The following LRFN5 variants were observed in gnomAD, a reference collection of about 807,000 sequenced individuals.
The protein encoded by LRFN5 is leucine-rich repeat and fibronectin type-III domain-containing protein 5.
A neutral mutation model predicts 45.6 loss-of-function variants in LRFN5; 24 were observed. That is an observed-to-expected ratio of 0.53 (90% CI 0.38 to 0.74). The LOEUF (loss-of-function observed/expected upper bound fraction) is 0.74. Among genes scored for constraint, LRFN5 ranks in the 30% least tolerant of loss-of-function variants. LRFN5 has a pLI of 0.00. For missense variants in LRFN5, 776 were observed against 861.5 expected (o/e 0.90, Z 1.24); for synonymous variants, 340 against 313.8 (o/e 1.08, Z -0.88).
At chr14:41,729,309 C>G (rs1030710986) in intron 1 of LRFN5, among the ~76,000 whole-genome samples, 3 of 152,018 alleles carry the variant, frequency 2.0e-5, no homozygotes, top group Non-Finnish European at 4.4e-5. Flanking sequence ...ATTTCTCTCT[C>G]TTGCTCCCAT....
At chr14:41,799,257 C>T (rs755189634) in intron 2 of LRFN5, among the ~76,000 whole-genome samples, 1 of 151,948 alleles carries the variant, frequency 6.6e-6, no homozygotes, top group Non-Finnish European at 1.5e-5. Context: ...CAAAAGTCTG[C>T]TCTAATTTTT....
At chr14:41,875,480 T>C (rs1037016438) in intron 2 of LRFN5, among the ~76,000 whole-genome samples, 1 of 152,222 alleles carries the variant, frequency 6.6e-6, no homozygotes, top group Admixed American at 6.5e-5. Context: ...CAATATCACA[T>C]AGAGTCTCTG....
At chr14:41,831,884 G>C (rs1412885805) in intron 2 of LRFN5, among the ~76,000 whole-genome samples, 3 of 152,084 alleles carry the variant, frequency 2.0e-5, no homozygotes, top group African/African-American at 7.2e-5. Flanking sequence ...AGATCAAGGT[G>C]CCCACAAGTT....
chr14:41,712,640 A>C (rs1351697410), intron 1 of LRFN5, among the ~76,000 whole-genome samples: 1 of 152,170 alleles, frequency 6.6e-6, no homozygotes, highest in Non-Finnish European at 1.5e-5. Flanking sequence ...ACCAAATCAC[A>C]ACAATTTTTA....
intron 1 of LRFN5, among the ~76,000 whole-genome samples, chr14:41,654,650 A>G (rs1176932544): frequency 6.6e-6 from 1 of 152,104 alleles, no homozygotes; most frequent in Non-Finnish European, 1.5e-5. Flanking sequence ...AAGAGAGAAT[A>G]ATCAATTGTG....
chr14:41,732,424 A>T (rs1884219687), intron 1 of LRFN5, among the ~76,000 whole-genome samples: 1 of 152,172 alleles, frequency 6.6e-6, no homozygotes, highest in Non-Finnish European at 1.5e-5. Flanking sequence ...TGGGAGCCAG[A>T]CATTGATAAC....
intron 1 of LRFN5, among the ~76,000 whole-genome samples, chr14:41,641,657 C>T (rs529014724): frequency 6.6e-6 from 1 of 151,954 alleles, no homozygotes; most frequent in East Asian, 1.9e-4. Context: ...AATATAATGC[C>T]ACAGTAATAG....
At chr14:41,787,365 C>CCTGTGCTGTAATAAAACCTGGAAA (rs1179302685) in intron 2 of LRFN5, among the ~76,000 whole-genome samples, 2 of 152,102 alleles carry the variant, frequency 1.3e-5, no homozygotes, top group Non-Finnish European at 2.9e-5. Flanking sequence ...GTCACTCTTT[C>CCTGTGCTGTAATAAAACCTGGAAA]CTGTGCTGTA....
intron 2 of LRFN5, among the ~76,000 whole-genome samples, chr14:41,808,392 A>AAAG: frequency 3.1e-5 from 2 of 64,124 alleles, no homozygotes. Context: ...GGAAGGAAGG[A>AAAG]AAGGAAGAAA....
chr14:41,756,942 G>T (rs186206225), intron 1 of LRFN5, among the ~76,000 whole-genome samples: 1 of 150,874 alleles, frequency 6.6e-6, no homozygotes, highest in Admixed American at 6.6e-5. Flanking sequence ...TTTGGTGTGG[G>T]TGTCCTTTCT....
At chr14:41,736,524 A>T (rs1372031076) in intron 1 of LRFN5, among the ~76,000 whole-genome samples, 18 of 152,082 alleles carry the variant, frequency 1.2e-4, no homozygotes, top group Admixed American at 1.0e-3. Context: ...GATTGCAAAA[A>T]TTTTCTCCTA....
At chr14:41,654,323 T>C (rs1474996273) in intron 1 of LRFN5, among the ~76,000 whole-genome samples, 1 of 152,094 alleles carries the variant, frequency 6.6e-6, no homozygotes, top group Non-Finnish European at 1.5e-5. Flanking sequence ...CAATAGGTAA[T>C]AGGATGTGAG....
chr14:41,641,957 C>A (rs988080388), intron 1 of LRFN5, among the ~76,000 whole-genome samples: 2 of 152,004 alleles, frequency 1.3e-5, no homozygotes, highest in South Asian at 4.1e-4. Context: ...TTCTGTAATA[C>A]CTTGAAGTTA....
At chr14:41,752,173 ATT>A (rs913233848) in intron 1 of LRFN5, among the ~76,000 whole-genome samples, 55 of 152,314 alleles carry the variant, frequency 3.6e-4, no homozygotes, top group African/African-American at 1.3e-3. Context: ...ATTTATGGAC[ATT>A]TGGGTTGGTT....
chr14:41,719,907 TA>T (rs1310555661), intron 1 of LRFN5, among the ~76,000 whole-genome samples: 3 of 152,106 alleles, frequency 2.0e-5, no homozygotes, highest in Non-Finnish European at 4.4e-5. Context: ...CATATATGTA[TA>T]TCTGAACTAT....
In LRFN5 at chr14:41,887,728, A is replaced by G; in HGVS notation, c.1103A>G (p.Gln368Arg). The G allele has an allele frequency of 9.9e-6, 16 of 1,614,070 alleles. No homozygotes were observed. The highest frequency in any genetic ancestry group is 1.4e-5 in the Non-Finnish European group (16 of 1,180,030). The change falls in exon 3 of 6, where the codon CAA becomes CGA. Residue 368 changes from glutamine to arginine, a missense_variant. This residue lies in a region of LRFN5 where 465 missense variants were observed against 456.4 expected (regional missense o/e 1.02). Coordinates refer to ENST00000298119, the MANE Select transcript of LRFN5 (RefSeq NM_152447.5). This position sits in a 1 kb window ranked among gnomAD's most constrained non-coding sequence, Gnocchi z 4.8. ...IASNPAGEAT[Q>R]IVDLHIIKLP... ...TCCAATCCTGCTGGGGAAGCAACAC[A>G]AATAGTGGATCTTCATATAATTAAG...
At chr14:41,620,450 GT>G (rs1888083365) in intron 1 of LRFN5, among the ~76,000 whole-genome samples, 1 of 151,994 alleles carries the variant, frequency 6.6e-6, no homozygotes, top group African/African-American at 2.4e-5. Context: ...TATACCATTG[GT>G]TTTGTGGTAC....
chr14:41,893,152 CTG>C, intron 4 of LRFN5: 1 of 983,532 alleles, frequency 1.0e-6, no homozygotes, highest in Middle Eastern at 5.2e-4. Context: ...TAACCAAAAA[CTG>C]TGATAAATCT....
Position 41,885,155 on chromosome 14 carries a change from CA to C in LRFN5, c.-20-1431del, listed in dbSNP as rs56318694. ...TCCAGGAGTTTGAGCCCTGTCTCTA[CA>C]AAAAAAAAAAAAAAAAAAATTACCC... On this transcript the variant is annotated intron_variant, in intron 2 of 5. Transcript: ENST00000298119. Among the ~76,000 whole-genome samples the C allele has an allele frequency of 4.0e-3, 520 of 129,460 alleles. 5 individuals carry two copies. Among genetic ancestry groups the C allele is most frequent in the African/African-American group, 0.013 (434 of 34,330 alleles). 84.9% of individuals were successfully genotyped at this position (129,460 alleles called of 152,430 possible).
Sources: gnomAD v4.1 joint callset for allele counts (sites outside exome capture counted in the v4.1 genomes callset) on GRCh38, gnomAD v4.1.1 for gene constraint, gnomAD v4.1.1 regional missense constraint, Gnocchi (gnomAD v3.1) non-coding constraint, MANE v1.5 for transcripts, NCBI Gene and HGNC (gene_info 2026-07-23, HGNC 2026-07-21) for gene names.